Variants in SORT1 observed in about 807,000 individuals in gnomAD.
The protein encoded by SORT1 is sortilin 1, also known as sortilin.
A neutral mutation model predicts 101.7 loss-of-function variants in SORT1; 39 were observed. The observed-to-expected ratio is 0.38, with a 90% CI of 0.30 to 0.50. SORT1 has a LOEUF of 0.50. SORT1 is among the 20% of genes least tolerant of loss of function. The pLI, the probability that SORT1 is intolerant of heterozygous loss-of-function variation, is 0.90. For synonymous variants in SORT1, 396 were observed against 393.7 expected, an observed-to-expected ratio of 1.01 and a Z score of -0.07; for missense variants, 878 against 1,040.4, an observed-to-expected ratio of 0.84 and a Z score of 2.15.
At chr1:109,394,433 A>G (rs1180656352) in intron 1 of SORT1, among the ~76,000 whole-genome samples, 1 of 152,192 alleles carries the variant, frequency 6.6e-6, no homozygotes, top group African/African-American at 2.4e-5. Context: ...GAGAAAAAAA[A>G]CCTTAGAGAG....
At chr1:109,348,291 G>C (rs1331870288) in intron 6 of SORT1, among the ~76,000 whole-genome samples, 1 of 151,818 alleles carries the variant, frequency 6.6e-6, no homozygotes, top group Admixed American at 6.6e-5. Context: ...TGTTGGTTTT[G>C]AGCATGTTCT....
chr1:109,367,719 C>T (rs181905403), intron 2 of SORT1, among the ~76,000 whole-genome samples: 25 of 152,260 alleles, frequency 1.6e-4, no homozygotes, highest in Non-Finnish European at 2.5e-4. Flanking sequence ...CTCAAATACA[C>T]ATTAAAATAA....
chr1:109,312,131 G>C lies in SORT1; in HGVS notation c.*1912C>G, dbSNP rs1031272610. On this transcript the variant is annotated 3_prime_UTR_variant, in exon 20 of 20. Transcript: ENST00000256637. ...TCTGCCCACAGTGAGTACATGCTGG[G>C]AGAAAGGTGAGTGGTATAAACAGTT... 1 of 152,228 alleles carries C rather than the reference G, an allele frequency of 6.6e-6. No homozygotes were observed. Among genetic ancestry groups the C allele is most frequent in the Non-Finnish European group, 1.5e-5 (1 of 68,048 alleles). 9.4% of individuals were successfully genotyped at this position (152,228 alleles called of 1,614,324 possible). A position where few individuals can be genotyped will look rare whatever the true frequency, so the allele number is the denominator to read the frequency against.
At chr1:109,396,457 A>G (rs566567278) in intron 1 of SORT1, among the ~76,000 whole-genome samples, 9 of 152,322 alleles carry the variant, frequency 5.9e-5, no homozygotes, top group African/African-American at 1.9e-4. Flanking sequence ...CTCACCCTCC[A>G]GCACTAGCTT....
At chr1:109,381,971 T>C (rs1231662537) in intron 1 of SORT1, among the ~76,000 whole-genome samples, 1 of 152,066 alleles carries the variant, frequency 6.6e-6, no homozygotes, top group Non-Finnish European at 1.5e-5. Flanking sequence ...TCTTTATAGT[T>C]TTTCTAGAGT....
intron 8 of SORT1, among the ~76,000 whole-genome samples, 193 bp from the exon 9 acceptor site, chr1:109,342,351 T>C (rs1474825323): frequency 6.6e-6 from 1 of 152,184 alleles, no homozygotes; most frequent in Non-Finnish European, 1.5e-5. Flanking sequence ...AAAGGAACAA[T>C]CCATTCTATT....
At chr1:109,370,433 T>C (rs1346238333) in intron 1 of SORT1, among the ~76,000 whole-genome samples, 6 of 152,130 alleles carry the variant, frequency 3.9e-5, no homozygotes, top group African/African-American at 1.4e-4. Flanking sequence ...TACAATCGTC[T>C]GTTCTCTATA....
intron 1 of SORT1, among the ~76,000 whole-genome samples, chr1:109,395,692 C>G (rs1184970804): frequency 6.6e-6 from 1 of 152,116 alleles, no homozygotes; most frequent in Non-Finnish European, 1.5e-5. Flanking sequence ...CTTAGAACCC[C>G]TGAGCCAGTT....
intron 5 of SORT1, 130 bp from the exon 6 acceptor site, chr1:109,351,132 C>T (rs1235590845): frequency 2.2e-5 from 16 of 723,780 alleles, no homozygotes; most frequent in Non-Finnish European, 3.5e-5. Context: ...CAGAGCTGCC[C>T]GAGCTCCACA....
At chr1:109,379,232 G>T (rs955706656) in intron 1 of SORT1, among the ~76,000 whole-genome samples, 3 of 151,912 alleles carry the variant, frequency 2.0e-5, no homozygotes, top group African/African-American at 7.3e-5. Context: ...GGCTTCCCTG[G>T]GGCACACTGG....
chr1:109,385,097 A>G (rs1169805669), intron 1 of SORT1, among the ~76,000 whole-genome samples: 1 of 152,062 alleles, frequency 6.6e-6, no homozygotes, highest in East Asian at 1.9e-4. Context: ...AACAACAACA[A>G]AAAGAAAAGA....
In SORT1 at chr1:109,387,842, T is replaced by C. The variant is rs184656816; in HGVS notation, c.306+9745A>G. Among the ~76,000 whole-genome samples, 66 of 152,226 alleles carry C rather than the reference T, an allele frequency of 4.3e-4. 3 individuals carry two copies. The East Asian group carries it at 9.7e-3, about 22-fold the overall frequency. On this transcript the variant is annotated intron_variant, in intron 1 of 19. Transcript: ENST00000256637. ...GGCGGGCACCTGTAATCCCAGCTACTTGGGGGGCTGAGGCAGAGAACTGCT... is the reference window on the plus strand; with the variant it reads ...GGCGGGCACCTGTAATCCCAGCTACCTGGGGGGCTGAGGCAGAGAACTGCT...
At chr1:109,387,733 A>G (rs1652658441) in intron 1 of SORT1, among the ~76,000 whole-genome samples, 2 of 152,042 alleles carry the variant, frequency 1.3e-5, no homozygotes, top group Non-Finnish European at 2.9e-5. Context: ...TGGGTGGATC[A>G]CGAGGTCAGG....
chr1:109,381,957 CTCT>C (rs1259587968), intron 1 of SORT1, among the ~76,000 whole-genome samples: 1 of 151,772 alleles, frequency 6.6e-6, no homozygotes, highest in Non-Finnish European at 1.5e-5. Context: ...TAGGGGTGCA[CTCT>C]TCTTTATAGT....
At chr1:109,321,265 G>A (rs1055233901) in intron 15 of SORT1, among the ~76,000 whole-genome samples, 3 of 152,100 alleles carry the variant, frequency 2.0e-5, no homozygotes, top group Non-Finnish European at 4.4e-5. Flanking sequence ...TCTAGATGAG[G>A]GAAAGCCCAT....
chr1:109,327,145 G>T lies in SORT1; in HGVS notation c.1490C>A (p.Ala497Asp). 6.2e-7 allele frequency: 1 copy of T among 1,612,616 alleles called. No individual in the cohort carries two copies. The highest frequency in any genetic ancestry group is 8.5e-7 in the Non-Finnish European group (1 of 1,179,228). Reference protein sequence around the residue: ...IVIAHGSVGDAISVMVPDVYI... With the variant: ...IVIAHGSVGDDISVMVPDVYI... ...CACATCTGGAACCATCACTGAGATGGCATCCCCCACGCTACCTGCAATATA... is the reference window on the plus strand; with the variant it reads ...CACATCTGGAACCATCACTGAGATGTCATCCCCCACGCTACCTGCAATATA... Residue 497 changes from alanine to aspartate, a missense_variant, in exon 13 of 20, where the codon GCC (alanine) becomes GAC (aspartate). By Grantham distance (126) the Ala-to-Asp change is moderately radical. Around this residue, in one of 2 missense-constraint regions of SORT1, gnomAD observed 684 missense variants for 894.5 expected, o/e 0.76. Coordinates refer to ENST00000256637, the MANE Select transcript of SORT1 (RefSeq NM_002959.7).
intron 15 of SORT1, among the ~76,000 whole-genome samples, chr1:109,321,041 C>T (rs1385069866): frequency 6.6e-6 from 1 of 152,164 alleles, no homozygotes; most frequent in Non-Finnish European, 1.5e-5. Context: ...ACGGGCATAT[C>T]AGTCATGTCC....
chr1:109,371,045 G>A (rs1198963566), intron 1 of SORT1, among the ~76,000 whole-genome samples: 1 of 152,168 alleles, frequency 6.6e-6, no homozygotes, highest in East Asian at 1.9e-4. Flanking sequence ...TTTCCCCTCT[G>A]GACCGTAAGT....
intron 1 of SORT1, among the ~76,000 whole-genome samples, chr1:109,390,771 A>ATGTGTGTGTGTGTGTATGTGTGTG (rs1652859401): frequency 6.9e-6 from 1 of 145,618 alleles, no homozygotes; most frequent in African/African-American, 2.6e-5. Flanking sequence ...GTGTGTGTGT[A>ATGTGTGTGTGTGTGTATGTGTGTG]TGTGTGTGTG....
Sources: allele counts gnomAD v4.1 joint callset (sites outside exome capture counted in the v4.1 genomes callset), GRCh38; gene constraint gnomAD v4.1.1; regional missense constraint gnomAD v4.1.1; transcripts MANE v1.5; gene names NCBI Gene and HGNC (gene_info 2026-07-23, HGNC 2026-07-21).